Variants in FOXN3 observed in about 807,000 individuals in gnomAD.
FOXN3 encodes forkhead box protein N3.
FOXN3 carries 7 observed loss-of-function variants against 38.4 expected under a neutral mutation model. The ratio of observed to expected loss-of-function variants is 0.18; its 90% CI spans 0.10 to 0.34. The LOEUF (loss-of-function observed/expected upper bound fraction) is 0.34. Ranked by LOEUF, FOXN3 falls within the 10% of genes least tolerant of loss-of-function variation. The pLI, the probability that FOXN3 is intolerant of heterozygous loss-of-function variation, is 1.00. For synonymous variants in FOXN3, 230 were observed against 242.2 expected, an observed-to-expected ratio of 0.95 and a Z score of 0.47; for missense variants, 456 against 613.4, an observed-to-expected ratio of 0.74 and a Z score of 2.71.
At chr14:89,426,826 G>GT (rs1314296482) in intron 1 of FOXN3, among the ~76,000 whole-genome samples, 2 of 152,184 alleles carry the variant, frequency 1.3e-5, no homozygotes, top group East Asian at 3.9e-4. Flanking sequence ...AACCCACACA[G>GT]TGAGTTTGGG....
At chr14:89,184,869 A>C (rs768620406) in intron 4 of FOXN3, among the ~76,000 whole-genome samples, 1 of 152,202 alleles carries the variant, frequency 6.6e-6, no homozygotes, top group Non-Finnish European at 1.5e-5. Flanking sequence ...ATGATCTACA[A>C]GGATAGGGCT....
At chr14:89,556,049 A>T (rs1895117046) in intron 1 of FOXN3, among the ~76,000 whole-genome samples, 1 of 152,066 alleles carries the variant, frequency 6.6e-6, no homozygotes, top group Non-Finnish European at 1.5e-5. Flanking sequence ...TAACAAGCAA[A>T]ATTTAAGGGA....
intron 4 of FOXN3, among the ~76,000 whole-genome samples, chr14:89,233,807 T>C (rs1343889184): frequency 6.6e-6 from 1 of 152,208 alleles, no homozygotes; most frequent in Non-Finnish European, 1.5e-5. Context: ...TGGGATAGTT[T>C]ATCATCTGTC....
intron 1 of FOXN3, among the ~76,000 whole-genome samples, chr14:89,517,354 TA>T (rs57430361): frequency 1.2e-3 from 152 of 129,464 alleles, no homozygotes; most frequent in East Asian, 5.1e-3. Context: ...GACCCTGTCT[TA>T]AAAAAAAAAA....
intron 4 of FOXN3, among the ~76,000 whole-genome samples, chr14:89,264,346 C>T (rs764362051): frequency 6.6e-6 from 1 of 152,042 alleles, no homozygotes; most frequent in Non-Finnish European, 1.5e-5. Context: ...ATCAAGAGAG[C>T]CAAGCAAAAG....
At chr14:89,537,045 C>T (rs1381816070) in intron 1 of FOXN3, among the ~76,000 whole-genome samples, 1 of 152,190 alleles carries the variant, frequency 6.6e-6, no homozygotes, top group Non-Finnish European at 1.5e-5. Flanking sequence ...GAATGCTGCT[C>T]CTCTCTCCTC....
chr14:89,453,559 C>CAAAAAA (rs35296047), intron 1 of FOXN3, among the ~76,000 whole-genome samples: 9 of 72,688 alleles, frequency 1.2e-4, no homozygotes, highest in East Asian at 4.8e-4. Flanking sequence ...GACTCCGTCT[C>CAAAAAA]AAAAAAAAAA....
At chr14:89,487,616 TA>T (rs1314761697) in intron 1 of FOXN3, among the ~76,000 whole-genome samples, 2 of 152,204 alleles carry the variant, frequency 1.3e-5, no homozygotes. Flanking sequence ...CACCCTACTC[TA>T]CTTTGTGTTT....
intron 4 of FOXN3, among the ~76,000 whole-genome samples, chr14:89,187,736 G>C (rs767864283): frequency 1.3e-5 from 2 of 152,204 alleles, no homozygotes; most frequent in African/African-American, 2.4e-5. Context: ...ACAAGCTGCA[G>C]ATACATTCCT....
chr14:89,183,942 T>A, intron 4 of FOXN3: 1 of 152,152 alleles, frequency 6.6e-6, no homozygotes, highest in East Asian at 1.9e-4. Flanking sequence ...AAAATGATAT[T>A]TACCCAGGGT....
chr14:89,412,111 G>A lies in FOXN3; in HGVS notation c.366C>T (p.Leu122=). The part of the protein sequence containing the change: ...NCKPPYSFSC[L]IFMAIEDSPT... ...GAGAGTCCTCGATGGCCATAAATAT[G>A]AGGCAGCTGAAGGAGTAGGGGGGTT... Residue 122 remains leucine, a synonymous_variant, in exon 2 of 6, where the codon CTC becomes CTT. Transcript: ENST00000557258. This position sits in a 1 kb window ranked among gnomAD's most constrained non-coding sequence, Gnocchi z 4.7. 6.2e-7 allele frequency: 1 copy of A among 1,612,324 alleles called. No homozygotes were observed. The highest frequency in any genetic ancestry group is 8.5e-7 in the Non-Finnish European group (1 of 1,179,088).
At chr14:89,293,302 T>G (rs1363178887) in intron 3 of FOXN3, among the ~76,000 whole-genome samples, 4 of 152,214 alleles carry the variant, frequency 2.6e-5, no homozygotes, top group Non-Finnish European at 4.4e-5. Context: ...CCAGGGTTTA[T>G]CAGTGTCTAT....
At chr14:89,430,523 C>T (rs1892132699) in intron 1 of FOXN3, among the ~76,000 whole-genome samples, 1 of 152,156 alleles carries the variant, frequency 6.6e-6, no homozygotes, top group Non-Finnish European at 1.5e-5. Flanking sequence ...TTTTTATAAA[C>T]TGTGCTATTT....
At position 89,233,097 on chromosome 14, in the gene FOXN3, C is replaced by G. The variant is rs550063920; in HGVS notation, c.745+47853G>C. Among the ~76,000 whole-genome samples the G allele has an allele frequency of 7.2e-5, 11 of 152,318 alleles. No individual in the cohort carries two copies. In the South Asian group the frequency reaches 2.3e-3, roughly 32 times the overall value. ...TCGAGGGCATCCGACACAAAGGACA[C>G]TTGTGCAAGCAATGTACCTTGTATG... On this transcript the variant is annotated intron_variant, in intron 4 of 5. Coordinates refer to ENST00000557258, the MANE Select transcript of FOXN3 (RefSeq NM_005197.4).
intron 4 of FOXN3, among the ~76,000 whole-genome samples, chr14:89,198,591 A>G (rs1888156999): frequency 6.6e-6 from 1 of 152,214 alleles, no homozygotes; most frequent in African/African-American, 2.4e-5. Flanking sequence ...ACTGCAGGCA[A>G]TTTTGCACTT....
intron 2 of FOXN3, among the ~76,000 whole-genome samples, chr14:89,371,315 T>C (rs540287297): frequency 5.9e-5 from 9 of 152,244 alleles, no homozygotes; most frequent in African/African-American, 2.2e-4. Context: ...AAAGTAACTA[T>C]CAAGTGCTTG....
chr14:89,339,242 G>A (rs555017120), intron 3 of FOXN3, among the ~76,000 whole-genome samples: 1 of 152,166 alleles, frequency 6.6e-6, no homozygotes, highest in Non-Finnish European at 1.5e-5. Flanking sequence ...CCAAAGTGCT[G>A]AGATTACAGG....
intron 1 of FOXN3, among the ~76,000 whole-genome samples, chr14:89,506,304 C>A: frequency 2.5e-5 from 2 of 80,870 alleles, no homozygotes; most frequent in Non-Finnish European, 3.4e-5. Context: ...CCCGGCCAGC[C>A]GCCCCGTCCG....
intron 1 of FOXN3, among the ~76,000 whole-genome samples, chr14:89,478,445 G>A (rs1893255634): frequency 6.6e-6 from 1 of 152,058 alleles, no homozygotes; most frequent in African/African-American, 2.4e-5. Context: ...TTATCTTTCA[G>A]TACACAAAAA....
Sources: gnomAD v4.1 joint callset for allele counts (sites outside exome capture counted in the v4.1 genomes callset) on GRCh38, gnomAD v4.1.1 for gene constraint, Gnocchi (gnomAD v3.1) non-coding constraint, MANE v1.5 for transcripts, NCBI Gene and HGNC (gene_info 2026-07-23, HGNC 2026-07-21) for gene names.